Variants in RPS6KA5 observed in about 807,000 individuals in gnomAD.
The protein encoded by RPS6KA5 is ribosomal protein S6 kinase alpha-5.
Under a neutral mutation model 85.5 loss-of-function variants are expected in RPS6KA5, and 27 were observed. The ratio of observed to expected loss-of-function variants is 0.32; its 90% CI spans 0.23 to 0.44. The LOEUF (loss-of-function observed/expected upper bound fraction) is 0.44. Among genes scored for constraint, RPS6KA5 ranks in the 20% least tolerant of loss-of-function variants. The pLI, the probability that RPS6KA5 is intolerant of heterozygous loss-of-function variation, is 1.00. For synonymous variants in RPS6KA5, 334 were observed against 348.2 expected (o/e 0.96, Z 0.46); for missense variants, 811 against 980.9 (o/e 0.83, Z 2.31).
intron 12 of RPS6KA5, among the ~76,000 whole-genome samples, chr14:90,896,792 C>T (rs1207145540): frequency 6.6e-6 from 1 of 152,166 alleles, no homozygotes; most frequent in Admixed American, 6.5e-5. Context: ...GCAGTCTTGG[C>T]TCACTGCAAC....
At chr14:90,996,456 T>C (rs767973054) in intron 2 of RPS6KA5, among the ~76,000 whole-genome samples, 11 of 152,208 alleles carry the variant, frequency 7.2e-5, no homozygotes, top group Admixed American at 3.3e-4. Context: ...TCCTTGAAAG[T>C]TCTGTAGATG....
intron 1 of RPS6KA5, among the ~76,000 whole-genome samples, chr14:91,051,550 G>A (rs574290858): frequency 7.4e-4 from 113 of 151,990 alleles, no homozygotes; most frequent in Non-Finnish European, 1.4e-3. Context: ...ATGCAATGGT[G>A]CGATCGCAGC....
At position 90,870,015 on chromosome 14, in the gene RPS6KA5, T is replaced by C. The variant is rs2032997046; in HGVS notation, c.*2059A>G. 1 of 152,078 alleles carries C rather than the reference T, an allele frequency of 6.6e-6. No individual in the cohort carries two copies. Among genetic ancestry groups the C allele is most frequent in the Non-Finnish European group, 1.5e-5 (1 of 68,030 alleles). 9.4% of individuals were successfully genotyped at this position (152,078 alleles called of 1,614,324 possible). A position where few individuals can be genotyped will look rare whatever the true frequency, so the allele number is the denominator to read the frequency against. On this transcript the variant is annotated 3_prime_UTR_variant, in exon 17 of 17. Coordinates refer to ENST00000614987, the MANE Select transcript of RPS6KA5 (RefSeq NM_004755.4). ...AAGAGGCAAGGGAAATAAATGAAAATGAAACCCATTAATTTCCAATATTCA... is the reference window on the plus strand; with the variant it reads ...AAGAGGCAAGGGAAATAAATGAAAACGAAACCCATTAATTTCCAATATTCA...
chr14:91,030,977 G>C (rs1419398830), intron 1 of RPS6KA5, among the ~76,000 whole-genome samples: 1 of 152,126 alleles, frequency 6.6e-6, no homozygotes, highest in Non-Finnish European at 1.5e-5. Flanking sequence ...GAAGAACCCA[G>C]AGGAGGACTA....
chr14:90,903,032 A>G, intron 8 of RPS6KA5, 63 bp from the exon 9 acceptor site: 2 of 1,416,110 alleles, frequency 1.4e-6, no homozygotes, highest in Non-Finnish European at 2.0e-6. Flanking sequence ...TCTAAGAATA[A>G]CAAAGATAAA....
intron 13 of RPS6KA5, among the ~76,000 whole-genome samples, chr14:90,892,253 C>T (rs1227322040): frequency 1.3e-5 from 2 of 152,140 alleles, no homozygotes; most frequent in Admixed American, 6.6e-5. Flanking sequence ...CCGCTTGCCT[C>T]GGCCTCCCAA....
chr14:90,931,232 T>C (rs1408966484), intron 5 of RPS6KA5, among the ~76,000 whole-genome samples: 2 of 152,226 alleles, frequency 1.3e-5, no homozygotes, highest in Admixed American at 1.3e-4. Flanking sequence ...TCTTGTCACA[T>C]GCTACAGCAT....
chr14:90,914,309 G>GGTTTTTTTTTTTTTTTTTT (rs568470589), intron 7 of RPS6KA5, among the ~76,000 whole-genome samples: 1 of 81,520 alleles, frequency 1.2e-5, no homozygotes, highest in African/African-American at 4.9e-5. Flanking sequence ...GATCCCTAGG[G>GGTTTTTTTTTTTTTTTTTT]TTTTTTTTTT....
chr14:91,023,324 T>G (rs2041864376), intron 1 of RPS6KA5, among the ~76,000 whole-genome samples: 1 of 151,894 alleles, frequency 6.6e-6, no homozygotes, highest in Non-Finnish European at 1.5e-5. Flanking sequence ...AGTCTCACTC[T>G]GTTGCCCAGG....
chr14:90,884,580 T>C (rs1262309584), intron 14 of RPS6KA5, among the ~76,000 whole-genome samples: 1 of 152,218 alleles, frequency 6.6e-6, no homozygotes, highest in African/African-American at 2.4e-5. Context: ...TCCCTGGAAG[T>C]TGAAAACTTT....
rs1408716601 is a variant in RPS6KA5 at position 90,983,837 on chromosome 14, CTCTTTCTTTT to C, written c.176-5323_176-5314del. On this transcript the variant is annotated intron_variant, in intron 2 of 16. Transcript: ENST00000614987. Reference sequence around the variant, plus strand: ...TCTCTGTCTCTCTCTCTCTCTCTCTCTCTTTCTTTTTTTCTTTCTTTCTTTCTGACCAAGT... The same window carrying C: ...TCTCTGTCTCTCTCTCTCTCTCTCTCTTTCTTTCTTTCTTTCTGACCAAGT... Among the ~76,000 whole-genome samples the C allele has an allele frequency of 1.5e-3, 203 of 137,808 alleles. 3 individuals carry two copies. Among genetic ancestry groups the C allele is most frequent in the African/African-American group, 5.8e-3 (188 of 32,490 alleles). The allele number at this position is 137,808 out of a possible 152,430, so 90.4% of individuals were successfully genotyped here.
At chr14:90,911,404 A>G (rs1333217568) in intron 7 of RPS6KA5, 1 of 152,094 alleles carries the variant, frequency 6.6e-6, no homozygotes, top group Non-Finnish European at 1.5e-5. Flanking sequence ...TGGGTTGTTT[A>G]TTTATTTCTA....
chr14:90,892,486 A>C (rs1007908163), intron 13 of RPS6KA5, among the ~76,000 whole-genome samples: 1 of 152,238 alleles, frequency 6.6e-6, no homozygotes, highest in Admixed American at 6.5e-5. Flanking sequence ...CTAGTCAGGA[A>C]TGGTGGGAAG....
At chr14:91,007,695 A>G (rs886219640) in intron 1 of RPS6KA5, among the ~76,000 whole-genome samples, 1 of 141,018 alleles carries the variant, frequency 7.1e-6, no homozygotes, top group African/African-American at 2.6e-5. Context: ...ATTCTGTCCA[A>G]TACTTACTAT....
chr14:90,958,152 A>G (rs2140409979), intron 3 of RPS6KA5, among the ~76,000 whole-genome samples: 1 of 152,086 alleles, frequency 6.6e-6, no homozygotes, highest in South Asian at 2.1e-4. Context: ...GTCTCAAGAT[A>G]ATAATAATAA....
chr14:91,023,620 G>A (rs1028738049), intron 1 of RPS6KA5, among the ~76,000 whole-genome samples: 1 of 151,938 alleles, frequency 6.6e-6, no homozygotes, highest in Non-Finnish European at 1.5e-5. Flanking sequence ...CTTGAAGGCA[G>A]TTAGTTGGAT....
chr14:91,030,088 G>A (rs1239996078), intron 1 of RPS6KA5, among the ~76,000 whole-genome samples: 1 of 152,138 alleles, frequency 6.6e-6, no homozygotes, highest in African/African-American at 2.4e-5. Flanking sequence ...ATCACCCCCA[G>A]AGAACCCCAA....
At chr14:90,940,981 G>C (rs747692026) in intron 5 of RPS6KA5, among the ~76,000 whole-genome samples, 19 of 152,100 alleles carry the variant, frequency 1.2e-4, no homozygotes, top group Non-Finnish European at 1.5e-5. Flanking sequence ...CCAGTCCCTA[G>C]TGCCAAAAAA....
At chr14:90,891,240 T>C (rs1013541437) in intron 13 of RPS6KA5, among the ~76,000 whole-genome samples, 2 of 150,920 alleles carry the variant, frequency 1.3e-5, no homozygotes, top group African/African-American at 4.9e-5. Context: ...ATGTGTTCAT[T>C]GAACAAAGTC....
Sources: gnomAD v4.1 joint callset for allele counts (sites outside exome capture counted in the v4.1 genomes callset) on GRCh38, gnomAD v4.1.1 for gene constraint, MANE v1.5 for transcripts, NCBI Gene and HGNC (gene_info 2026-07-23, HGNC 2026-07-21) for gene names.